The following KAZN variants were observed in gnomAD, a reference collection of about 807,000 sequenced individuals.
KAZN encodes the protein kazrin.
KAZN carries 40 observed loss-of-function variants against 87.4 expected under a neutral mutation model. The ratio of observed to expected loss-of-function variants is 0.46; its 90% CI spans 0.36 to 0.60. The LOEUF is 0.60. Ranked by LOEUF, KAZN falls within the 20% of genes least tolerant of loss-of-function variation. KAZN has a pLI of 0.00. For missense variants in KAZN, 898 were observed against 1,073.9 expected, an observed-to-expected ratio of 0.84 and a Z score of 2.29; for synonymous variants, 466 against 458.3, an observed-to-expected ratio of 1.02 and a Z score of -0.22.
At chr1:14,343,942 T>C (rs1657922027) in intron 2 of KAZN, among the ~76,000 whole-genome samples, 1 of 152,204 alleles carries the variant, frequency 6.6e-6, no homozygotes, top group South Asian at 2.1e-4. Flanking sequence ...CCACTGTAGC[T>C]GCATTGTACT....
intron 2 of KAZN, among the ~76,000 whole-genome samples, chr1:14,280,370 CAAAAAAAAAAAAAAAA>C (rs1162522967): frequency 5.4e-5 from 2 of 36,824 alleles, no homozygotes; most frequent in African/African-American, 1.3e-4. Context: ...GACTCCATCT[CAAAAAAAAAAAAAAAA>C]AAAAAAAAAA....
At chr1:14,954,475 T>C (rs1362986734) in intron 1 of KAZN, among the ~76,000 whole-genome samples, 1 of 152,230 alleles carries the variant, frequency 6.6e-6, no homozygotes, top group African/African-American at 2.4e-5. Context: ...GCCTGAGCTG[T>C]ACCAGATGCT....
rs114927413 is a variant in KAZN, at chr1:15,075,483, G to A, written c.1222+9730G>A. Among the ~76,000 whole-genome samples, 1,281 of 152,268 alleles carry A rather than the reference G, an allele frequency of 8.4e-3. 13 individuals are homozygous for A. Among genetic ancestry groups the A allele is most frequent in the African/African-American group, 0.03 (1,226 of 41,542 alleles). ...TTTTACTCTCATTCGGTGGATCACCGACTGGAAACTATTGGGACAGATGAC... is the reference window on the plus strand; with the variant it reads ...TTTTACTCTCATTCGGTGGATCACCAACTGGAAACTATTGGGACAGATGAC... On this transcript the variant is annotated intron_variant, in intron 8 of 14. Transcript: ENST00000376030.
intron 1 of KAZN, among the ~76,000 whole-genome samples, chr1:14,783,467 C>T (rs1645416215): frequency 6.6e-6 from 1 of 151,860 alleles, no homozygotes; most frequent in South Asian, 2.1e-4. Context: ...AAACCAGGAC[C>T]CTAGGCATGG....
At chr1:14,498,423 G>T (rs1323176233) in intron 2 of KAZN, among the ~76,000 whole-genome samples, 3 of 152,208 alleles carry the variant, frequency 2.0e-5, no homozygotes, top group African/African-American at 7.2e-5. Flanking sequence ...CAGGCACGAT[G>T]GCTCATGCCT....
intron 2 of KAZN, among the ~76,000 whole-genome samples, chr1:14,435,064 C>A (rs540536235): frequency 5.9e-5 from 9 of 152,206 alleles, no homozygotes; most frequent in African/African-American, 1.9e-4. Flanking sequence ...GCCAGGGTCT[C>A]CTTGATTAAA....
intron 2 of KAZN, among the ~76,000 whole-genome samples, chr1:14,981,056 G>A (rs898342996): frequency 3.3e-5 from 5 of 152,170 alleles, no homozygotes; most frequent in African/African-American, 9.7e-5. Flanking sequence ...CTCCCCAGAG[G>A]GACAGGGCAG....
chr1:14,175,446 C>A (rs1360718246), intron 1 of KAZN, among the ~76,000 whole-genome samples: 2 of 152,184 alleles, frequency 1.3e-5, no homozygotes, highest in Non-Finnish European at 2.9e-5. Context: ...GTGGTAAGTT[C>A]TCTGATGGAA....
At chr1:14,271,283 C>T (rs1286733005) in intron 2 of KAZN, among the ~76,000 whole-genome samples, 1 of 152,154 alleles carries the variant, frequency 6.6e-6, no homozygotes. Context: ...TTCTGAGGTT[C>T]CTGAAGGGTA....
chr1:14,852,434 G>A (rs990816329), intron 1 of KAZN, among the ~76,000 whole-genome samples: 11 of 152,222 alleles, frequency 7.2e-5, no homozygotes, highest in African/African-American at 2.4e-4. Context: ...AGGAGGAACC[G>A]GAGCCAAATC....
intron 1 of KAZN, among the ~76,000 whole-genome samples, chr1:14,050,895 T>C (rs763993): frequency 0.14 from 21,515 of 152,246 alleles, 1,911 homozygotes; most frequent in Middle Eastern, 0.25. Context: ...GGAAAATCCA[T>C]AACATGTATT....
rs1163405716 is a variant in KAZN, at chr1:15,096,327, A to G, written c.1547+1394A>G. Among the ~76,000 whole-genome samples, 2 of 152,190 alleles carry G rather than the reference A, an allele frequency of 1.3e-5. No individual in the cohort carries two copies. Among genetic ancestry groups the G allele is most frequent in the South Asian group, 4.1e-4 (2 of 4,832 alleles). ...GATAAGCTTTTCTTCTTTTCTTTTC[A>G]TAGATTACTTTTGTAGTGGGGGCAA... On this transcript the variant is annotated intron_variant, in intron 10 of 14. Transcript: ENST00000376030. The surrounding 1 kb of genome is among the most constrained non-coding windows in gnomAD (Gnocchi z 4.5).
At chr1:14,643,930 C>CT (rs1180627681) in intron 1 of KAZN, among the ~76,000 whole-genome samples, 1 of 147,640 alleles carries the variant, frequency 6.8e-6, no homozygotes, top group African/African-American at 2.5e-5. Flanking sequence ...TGATATTGAG[C>CT]TTTTTTTTCA....
chr1:14,054,043 G>C (rs1642447407), intron 1 of KAZN, among the ~76,000 whole-genome samples: 1 of 152,080 alleles, frequency 6.6e-6, no homozygotes, highest in Non-Finnish European at 1.5e-5. Flanking sequence ...GGCTGAAGAA[G>C]AGCAGGAAGG....
chr1:14,631,608 C>G (rs1679571043), intron 1 of KAZN, among the ~76,000 whole-genome samples: 1 of 152,210 alleles, frequency 6.6e-6, no homozygotes, highest in Admixed American at 6.5e-5. Flanking sequence ...AGCTGGTGGC[C>G]CCGCCACGGT....
chr1:14,297,449 T>C (rs1434944889), intron 2 of KAZN, among the ~76,000 whole-genome samples: 1 of 152,210 alleles, frequency 6.6e-6, no homozygotes, highest in Non-Finnish European at 1.5e-5. Flanking sequence ...CCTTTTTATT[T>C]TGCAGCCTCT....
chr1:15,103,457 G>C lies in KAZN; in HGVS notation c.1878G>C (p.Leu626=), dbSNP rs1372413901. 1 of 1,546,322 alleles carries C rather than the reference G, an allele frequency of 6.5e-7. No individual in the cohort carries two copies. The highest frequency in any genetic ancestry group is 2.4e-5 in the East Asian group (1 of 40,914). Residue 626 remains leucine (L), a synonymous_variant, in exon 12 of 15, where the codon CTG becomes CTC. Transcript: ENST00000376030. ...TCAAGTGGGTTCGAGACATCGACCT[G>C]AAGGTGAGGGTGATAGCGGAGGTCG... ...RVLKWVRDID[L]KEYADNLTNS...
intron 1 of KAZN, among the ~76,000 whole-genome samples, chr1:14,707,563 C>T (rs1282787275): frequency 6.6e-6 from 1 of 152,152 alleles, no homozygotes; most frequent in Non-Finnish European, 1.5e-5. Context: ...CCTTTCATTT[C>T]CCAACGTACT....
chr1:14,116,343 C>A (rs113245101), intron 1 of KAZN, among the ~76,000 whole-genome samples: 2 of 152,290 alleles, frequency 1.3e-5, no homozygotes, highest in African/African-American at 4.8e-5. Flanking sequence ...GCCTAGGGAT[C>A]TGGCATTCTC....
Sources: allele counts gnomAD v4.1 joint callset (sites outside exome capture counted in the v4.1 genomes callset), GRCh38; gene constraint gnomAD v4.1.1; non-coding constraint Gnocchi (gnomAD v3.1); transcripts MANE v1.5; gene names NCBI Gene and HGNC (gene_info 2026-07-23, HGNC 2026-07-21).